Variants in PCDH7 observed in about 807,000 individuals in gnomAD.
The protein encoded by PCDH7 is protocadherin 7.
PCDH7 carries 17 observed loss-of-function variants against 58.9 expected under a neutral mutation model. The ratio of observed to expected loss-of-function variants is 0.29; its 90% CI spans 0.20 to 0.43. PCDH7 has a LOEUF of 0.43. PCDH7 is among the 20% of genes least tolerant of loss of function. PCDH7 has a pLI of 1.00. For missense variants in PCDH7, 1,274 were observed against 1,441.0 expected, an observed-to-expected ratio of 0.88 and a Z score of 1.88; for synonymous variants, 664 against 616.4, an observed-to-expected ratio of 1.08 and a Z score of -1.14.
chr4:30,917,197 T>C (rs540439468), intron 1 of PCDH7, among the ~76,000 whole-genome samples: 1 of 152,284 alleles, frequency 6.6e-6, no homozygotes, highest in South Asian at 2.1e-4. Context: ...TCTTGCTGTT[T>C]CTCTCTCTGT....
In PCDH7 at chr4:30,722,713, A is replaced by C; in HGVS notation, c.1291A>C (p.Asn431His). 1 of 1,613,556 alleles carries C rather than the reference A, an allele frequency of 6.2e-7. No individual in the cohort carries two copies. Among genetic ancestry groups the C allele is most frequent in the Middle Eastern group, 1.6e-4 (1 of 6,062 alleles). The change falls in exon 1 of 2, where the codon AAC (asparagine) becomes CAC (histidine). Residue 431 changes from asparagine to histidine, a missense_variant. Physicochemically the swap from Asn to His is moderately conservative, Grantham distance 68 (BLOSUM62 1). This residue lies in a region of PCDH7 where 731 missense variants were observed against 881.9 expected (regional missense o/e 0.83). Transcript: ENST00000361762. This position sits in a 1 kb window ranked among gnomAD's most constrained non-coding sequence, Gnocchi z 7.6. The stretch of plus-strand genomic sequence containing the variant: ...CATCCCCCTCAAGGACGGGGTGGCC[A>C]ACGTGGCCGAGGACGTTCTGGTCGA...
intron 1 of PCDH7, among the ~76,000 whole-genome samples, chr4:30,876,347 A>T (rs1736280794): frequency 6.6e-6 from 1 of 152,154 alleles, no homozygotes. Context: ...GTGAGAAGTT[A>T]AAATGACTGT....
chr4:30,840,662 CT>C (rs1186820650), intron 1 of PCDH7, among the ~76,000 whole-genome samples: 1 of 152,090 alleles, frequency 6.6e-6, no homozygotes, highest in African/African-American at 2.4e-5. Context: ...TTACAGGATT[CT>C]ACTTGTCCTA....
chr4:30,738,297 C>T lies in PCDH7; in HGVS notation c.70+13701C>T, dbSNP rs1223708079. Among the ~76,000 whole-genome samples the T allele has an allele frequency of 2.0e-5, 3 of 152,104 alleles. No homozygotes were observed. In the East Asian group the frequency reaches 5.8e-4, roughly 29 times the overall value. ...ATGAGCTTGTCTTTATTACACACAGCCCGTCCATTCCTGGGAAAGTACGCT... is the reference window on the plus strand; with the variant it reads ...ATGAGCTTGTCTTTATTACACACAGTCCGTCCATTCCTGGGAAAGTACGCT... On this transcript the variant is annotated intron_variant, in intron 1 of 3. Coordinates refer to the PCDH7 transcript ENST00000509759.
intron 1 of PCDH7, among the ~76,000 whole-genome samples, chr4:30,872,405 A>G (rs1051410069): frequency 9.2e-5 from 14 of 152,092 alleles, no homozygotes; most frequent in Non-Finnish European, 1.9e-4. Context: ...ATGAGTGAGC[A>G]TGGCTCTGTT....
At chr4:30,865,130 C>A (rs1420021612) in intron 1 of PCDH7, among the ~76,000 whole-genome samples, 1 of 151,690 alleles carries the variant, frequency 6.6e-6, no homozygotes, top group Non-Finnish European at 1.5e-5. Flanking sequence ...ATAACACAGT[C>A]AAAAACTAAA....
At chr4:31,077,457 C>T (rs1436153030) in intron 3 of PCDH7, among the ~76,000 whole-genome samples, 1 of 151,202 alleles carries the variant, frequency 6.6e-6, no homozygotes, top group Non-Finnish European at 1.5e-5. Flanking sequence ...ATATGCAAGT[C>T]TTTTCCAAAA....
At chr4:30,814,050 T>G (rs1006796227) in intron 1 of PCDH7, among the ~76,000 whole-genome samples, 1 of 152,188 alleles carries the variant, frequency 6.6e-6, no homozygotes, top group African/African-American at 2.4e-5. Context: ...TATTATTTTT[T>G]ATATTTTGAT....
intron 3 of PCDH7, among the ~76,000 whole-genome samples, chr4:31,078,569 A>G (rs1759203140): frequency 6.7e-6 from 1 of 149,438 alleles, no homozygotes; most frequent in South Asian, 2.1e-4. Flanking sequence ...GCTATCAAGC[A>G]ATGCTCCTGC....
At chr4:31,128,614 A>C (rs1346906632) in intron 3 of PCDH7, among the ~76,000 whole-genome samples, 1 of 152,192 alleles carries the variant, frequency 6.6e-6, no homozygotes, top group East Asian at 1.9e-4. Context: ...TAAAATAACT[A>C]TAAAATAGCT....
rs575534095 is a variant in PCDH7, at chr4:30,997,540, T to C, written c.*7+47325T>C. On this transcript the variant is annotated intron_variant, in intron 3 of 3. Coordinates refer to the PCDH7 transcript ENST00000509759. ...CTGAGGATGAGGACAGACCATATCATGAGGTGTTGATCAAGGCAATTTCTG... is the reference window on the plus strand; with the variant it reads ...CTGAGGATGAGGACAGACCATATCACGAGGTGTTGATCAAGGCAATTTCTG... Among the ~76,000 whole-genome samples the C allele has an allele frequency of 2.0e-5, 3 of 152,268 alleles. No homozygotes were observed. The South Asian group carries it at 6.2e-4, about 32-fold the overall frequency.
chr4:30,977,039 G>T (rs1451873583), intron 3 of PCDH7, among the ~76,000 whole-genome samples: 1 of 152,158 alleles, frequency 6.6e-6, no homozygotes, highest in Non-Finnish European at 1.5e-5. Flanking sequence ...TTAATACATG[G>T]ATGTATTTTA....
At position 31,140,637 on chromosome 4, in the gene PCDH7, G is replaced by C. The variant is rs902508104; in HGVS notation, c.*8-1836G>C. On this transcript the variant is annotated intron_variant, in intron 3 of 3. Transcript: ENST00000509759. ...AAAAAAAAAAAAAGAAAAGAAAAAA[G>C]GATCCCAAAATAGGAAATATTCTCA... Among the ~76,000 whole-genome samples the C allele has an allele frequency of 3.8e-4, 54 of 143,656 alleles. 1 individual carries two copies. Among genetic ancestry groups the C allele is most frequent in the Admixed American group, 3.6e-3 (52 of 14,418 alleles). 94.2% of individuals were successfully genotyped at this position (143,656 alleles called of 152,430 possible). A position where few individuals can be genotyped will look rare whatever the true frequency, so the allele number is the denominator to read the frequency against.
At chr4:31,051,295 A>G (rs1234566518) in intron 3 of PCDH7, among the ~76,000 whole-genome samples, 2 of 152,120 alleles carry the variant, frequency 1.3e-5, no homozygotes, top group Admixed American at 6.6e-5. Flanking sequence ...GACAGAGACC[A>G]TATCCCCTGC....
intron 1 of PCDH7, among the ~76,000 whole-genome samples, chr4:30,788,305 T>C (rs1723675061): frequency 6.6e-6 from 1 of 152,130 alleles, no homozygotes; most frequent in African/African-American, 2.4e-5. Context: ...GTAGTCACCA[T>C]GTGCCATAAT....
At chr4:30,933,039 T>A (rs867360874) in intron 2 of PCDH7, among the ~76,000 whole-genome samples, 5,515 of 151,810 alleles carry the variant, frequency 0.036, 334 homozygotes, top group African/African-American at 0.13. Flanking sequence ...CTTTCTTTTT[T>A]TTTTTTGAGA....
chr4:30,900,562 A>T (rs994723934), intron 1 of PCDH7, among the ~76,000 whole-genome samples: 8 of 152,096 alleles, frequency 5.3e-5, no homozygotes, highest in African/African-American at 1.9e-4. Flanking sequence ...ATACATCAAT[A>T]CTCTTCTTAT....
At position 30,728,277 on chromosome 4, in the gene PCDH7, G is replaced by GTA. The variant is rs201692269; in HGVS notation, c.3175-2457_3175-2456dup. Among the ~76,000 whole-genome samples, 1,236 of 139,674 alleles carry GTA rather than the reference G, an allele frequency of 8.8e-3. 14 individuals carry two copies. The highest frequency in any genetic ancestry group is 0.028 in the African/African-American group (1,083 of 38,084). The allele number at this position is 139,674 out of a possible 152,430, so 91.6% of individuals were successfully genotyped here. ...TGTGTGTGTGTGTATACATACATAT[G>GTA]TATATATATATATATATATAGAGAG... On this transcript the variant is annotated intron_variant, in intron 1 of 1. Transcript: ENST00000361762.
At chr4:30,968,118 T>C (rs964213891) in intron 3 of PCDH7, among the ~76,000 whole-genome samples, 5 of 151,698 alleles carry the variant, frequency 3.3e-5, no homozygotes, top group Non-Finnish European at 7.4e-5. Context: ...CTATGTCGTC[T>C]CCACTGTTAC....
Sources: gnomAD v4.1 joint callset for allele counts (sites outside exome capture counted in the v4.1 genomes callset) on GRCh38, gnomAD v4.1.1 for gene constraint, gnomAD v4.1.1 regional missense constraint, Gnocchi (gnomAD v3.1) non-coding constraint, MANE v1.5 for transcripts, NCBI Gene and HGNC (gene_info 2026-07-23, HGNC 2026-07-21) for gene names.